TNFAIP3: variants seen among roughly 807,000 people sequenced by gnomAD.
TNFAIP3 encodes the protein TNF alpha induced protein 3.
Under a neutral mutation model 72.4 loss-of-function variants are expected in TNFAIP3, and 9 were observed. The ratio of observed to expected loss-of-function variants is 0.12; its 90% CI spans 0.07 to 0.22. The LOEUF (loss-of-function observed/expected upper bound fraction) is 0.22. TNFAIP3 is among the 10% of genes least tolerant of loss of function. TNFAIP3 has a pLI of 1.00. For missense variants in TNFAIP3, 833 were observed against 1,018.7 expected (o/e 0.82, Z 2.48); for synonymous variants, 339 against 372.6 (o/e 0.91, Z 1.04).
At position 137,869,376 on chromosome 6, in the gene TNFAIP3, T is replaced by TGGAC. The variant is rs71547071; in HGVS notation, c.-15-1817_-15-1814dup. Among the ~76,000 whole-genome samples, 523 of 142,076 alleles carry TGGAC rather than the reference T, an allele frequency of 3.7e-3. 16 individuals carry two copies. The highest frequency in any genetic ancestry group is 0.035 in the Admixed American group (483 of 13,936). 93.2% of individuals were successfully genotyped at this position (142,076 alleles called of 152,430 possible). A position where few individuals can be genotyped will look rare whatever the true frequency, so the allele number is the denominator to read the frequency against. The stretch of plus-strand genomic sequence containing the variant: ...ATGGATGGATGGATGGATGGATGGA[T>TGGAC]GGACGGACGGACGGACGGACGGATA... On this transcript the variant is annotated intron_variant, in intron 1 of 8. Coordinates refer to ENST00000612899, the MANE Select transcript of TNFAIP3 (RefSeq NM_001270508.2).
At chr6:137,877,419 A>G (rs1361280501) in intron 6 of TNFAIP3, among the ~76,000 whole-genome samples, 163 bp downstream of exon 6, 2 of 152,216 alleles carry the variant, frequency 1.3e-5, no homozygotes, top group African/African-American at 4.8e-5. Flanking sequence ...AGAGAGGATT[A>G]TGTAAGGCAG....
Position 137,881,037 on chromosome 6 carries a change from A to T in TNFAIP3, c.2091A>T (p.Arg697Ser). The part of the protein sequence containing the change: ...HEAKRTEEQL[R>S]SSQRRDVPRT... ...ATCTGCCTGTTCTTTCCACTCAGAG[A>T]TCGAGCCAGCGCAGAGATGTGCCTC... Residue 697 changes from arginine to serine, a missense_variant and splice_region_variant, in exon 9 of 9, where the codon AGA (arginine) becomes AGT (serine). Around this residue, in one of 2 missense-constraint regions of TNFAIP3, gnomAD observed 587 missense variants for 657.8 expected, o/e 0.89. Transcript: ENST00000612899. The surrounding 1 kb of genome is among the most constrained non-coding windows in gnomAD (Gnocchi z 5.0). 6.3e-7 allele frequency: 1 copy of T among 1,590,462 alleles called. No individual in the cohort carries two copies.
rs577662634 is a variant in TNFAIP3 at position 137,878,636 on chromosome 6, T to A, written c.1191T>A (p.Ser397=). The A allele has an allele frequency of 6.2e-7, 1 of 1,614,236 alleles. No homozygotes were observed. Among genetic ancestry groups the A allele is most frequent in the South Asian group, 1.1e-5 (1 of 91,088 alleles). The stretch of plus-strand genomic sequence containing the variant: ...CGCCCAACTGCCCCTTCTTCATGTC[T>A]GTGAACACCCAGCCTTTATGCCATG... The part of the protein sequence containing the change: ...CETPNCPFFM[S]VNTQPLCHEC... The change falls in exon 7 of 9, where the codon TCT becomes TCA. Residue 397 remains serine, a synonymous_variant. Coordinates refer to ENST00000612899, the MANE Select transcript of TNFAIP3 (RefSeq NM_001270508.2).
rs972749498 is a variant in TNFAIP3, at chr6:137,867,569, C to G, written c.-16+27C>G. ...TAACCGCCGCGCCTCCCCGTGCCGT[C>G]TGCCTCGGGCTCACCGCAGTCAAGG... On this transcript the variant is annotated intron_variant, in intron 1 of 8. Transcript: ENST00000612899. This position sits in a 1 kb window ranked among gnomAD's most constrained non-coding sequence, Gnocchi z 6.0. 2 of 152,432 alleles carry G rather than the reference C, an allele frequency of 1.3e-5. No individual in the cohort carries two copies. The highest frequency in any genetic ancestry group is 4.8e-5 in the African/African-American group (2 of 41,444). The allele number at this position is 152,432 out of a possible 1,614,324, so 9.4% of individuals were successfully genotyped here. A position where few individuals can be genotyped will look rare whatever the true frequency, so the allele number is the denominator to read the frequency against.
chr6:137,877,866 A>T (rs1410549356), intron 6 of TNFAIP3, among the ~76,000 whole-genome samples: 1 of 152,208 alleles, frequency 6.6e-6, no homozygotes, highest in Non-Finnish European at 1.5e-5. Context: ...CTGTCTCTCA[A>T]TGTGGAGATT....
chr6:137,866,767 C>T (rs562656563), upstream of TNFAIP3: 3 of 152,526 alleles, frequency 2.0e-5, no homozygotes, highest in South Asian at 6.2e-4. Flanking sequence ...ACAGCCCAAA[C>T]TTTTCAGAGC....
chr6:137,876,627 A>G lies in TNFAIP3; in HGVS notation c.806-449A>G, dbSNP rs980797126. On this transcript the variant is annotated intron_variant, in intron 5 of 8. Transcript: ENST00000612899. Reference sequence around the variant, plus strand: ...TGTTAGCTGTTATTTTAATAGCCTCATGTGGAATAAGCACTGTGCTTTGGA... The same window carrying G: ...TGTTAGCTGTTATTTTAATAGCCTCGTGTGGAATAAGCACTGTGCTTTGGA... 7.9e-5 allele frequency among the ~76,000 whole-genome samples: 12 copies of G among 152,332 alleles called. No individual in the cohort carries two copies. In the East Asian group the frequency reaches 2.1e-3, roughly 27 times the overall value.
At position 137,882,438 on chromosome 6, in the gene TNFAIP3, CAG is replaced by C. The variant is rs1296097281; in HGVS notation, c.*1120_*1121del. 3 of 232,966 alleles carry C rather than the reference CAG, an allele frequency of 1.3e-5. No homozygotes were observed. Among genetic ancestry groups the C allele is most frequent in the Admixed American group, 5.6e-5 (1 of 17,772 alleles). 14.4% of individuals were successfully genotyped at this position (232,966 alleles called of 1,614,324 possible). On this transcript the variant is annotated 3_prime_UTR_variant, in exon 9 of 9. Transcript: ENST00000612899. ...CAGGCTGTGGGCAAGTTCCTGACCACAGGGAGTAAATTGGCCTCTTTGATACA... is the reference window on the plus strand; with the variant it reads ...CAGGCTGTGGGCAAGTTCCTGACCACGGAGTAAATTGGCCTCTTTGATACA...
At chr6:137,879,588 C>G (rs953793258) in intron 7 of TNFAIP3, among the ~76,000 whole-genome samples, 3 of 152,204 alleles carry the variant, frequency 2.0e-5, no homozygotes, top group African/African-American at 7.2e-5. Flanking sequence ...ACCAGAGTGC[C>G]CTGTAGACAG....
chr6:137,879,090 TCCAGCCTCAGCA>T lies in TNFAIP3; in HGVS notation c.1654_1665del (p.Ser552_Leu555del). The T allele has an allele frequency of 6.2e-7, 1 of 1,614,150 alleles. No homozygotes were observed. Among genetic ancestry groups the T allele is most frequent in the South Asian group, 1.1e-5 (1 of 91,080 alleles). ...CAAAAGGACTACAGCAGAGGCCTCCTCCAGCCTCAGCACCAGCCTCCCTCCTTCCTGTCACCA... is the reference window on the plus strand; with the variant it reads ...CAAAAGGACTACAGCAGAGGCCTCCTCCAGCCTCCCTCCTTCCTGTCACCA... On this transcript the variant is annotated inframe_deletion, in exon 7 of 9. Transcript: ENST00000612899.
At position 137,881,671 on chromosome 6, in the gene TNFAIP3, G is replaced by A. The variant is rs1024629447; in HGVS notation, c.*352G>A. On this transcript the variant is annotated 3_prime_UTR_variant, in exon 9 of 9. Coordinates refer to ENST00000612899, the MANE Select transcript of TNFAIP3 (RefSeq NM_001270508.2). The surrounding 1 kb of genome is among the most constrained non-coding windows in gnomAD (Gnocchi z 5.0). ...CCCTGCGCATCAGGACTGCTTCATC[G>A]TCTTGGCTGAGAAAGGGAAAAGACA... 9 of 274,592 alleles carry A rather than the reference G, an allele frequency of 3.3e-5. No homozygotes were observed. Among genetic ancestry groups the A allele is most frequent in the African/African-American group, 1.3e-4 (6 of 46,828 alleles). The allele number at this position is 274,592 out of a possible 1,614,324, so 17.0% of individuals were successfully genotyped here.
chr6:137,867,209 TC>T, upstream of TNFAIP3: 1 of 151,920 alleles, frequency 6.6e-6, no homozygotes. The surrounding 1 kb of genome is among the most constrained non-coding windows in gnomAD (Gnocchi z 6.0). Context: ...CCCGTGGAAA[TC>T]CCCGGGCCTA....
At position 137,878,417 on chromosome 6, in the gene TNFAIP3, C is replaced by G; in HGVS notation, c.987-15C>G. On this transcript the variant is annotated splice_polypyrimidine_tract_variant and intron_variant, in intron 6 of 8. Transcript: ENST00000612899. ...TTGTGTATTCTCATACATATTTTTT[C>G]CTTTTGGTCTTCAGGTTGGATGAAG... The G allele has an allele frequency of 6.3e-7, 1 of 1,583,000 alleles. No individual in the cohort carries two copies. Among genetic ancestry groups the G allele is most frequent in the Non-Finnish European group, 8.6e-7 (1 of 1,162,852 alleles).
chr6:137,874,693 A>C, intron 2 of TNFAIP3, 152 bp from the exon 3 acceptor site: 1 of 637,208 alleles, frequency 1.6e-6, no homozygotes, highest in Non-Finnish European at 2.5e-6. Context: ...ATCTTGTGAA[A>C]TATCAGTTTG....
intron 6 of TNFAIP3, among the ~76,000 whole-genome samples, chr6:137,877,631 C>T (rs549991127): frequency 8.2e-4 from 125 of 152,312 alleles, no homozygotes; most frequent in African/African-American, 2.9e-3. Context: ...AAACAAAAGC[C>T]TTTCTCTCTT....
At chr6:137,880,972 C>G in intron 8 of TNFAIP3, 63 bp from the exon 9 acceptor site, 5 of 1,518,654 alleles carry the variant, frequency 3.3e-6, no homozygotes, top group Non-Finnish European at 4.4e-6. Context: ...ATTGTGCTCT[C>G]CCTAAGAAAT....
intron 8 of TNFAIP3, 69 bp from the exon 9 acceptor site, chr6:137,880,966 T>G (rs1031029808): frequency 6.7e-7 from 1 of 1,501,328 alleles, no homozygotes; most frequent in Non-Finnish European, 9.0e-7. Context: ...GATTTCATTG[T>G]GCTCTCCCTA....
chr6:137,875,555 T>C (rs1776218488), intron 3 of TNFAIP3, 133 bp from the exon 4 acceptor site: 1 of 1,166,266 alleles, frequency 8.6e-7, no homozygotes, highest in Admixed American at 2.8e-5. Context: ...ATCATTTGAA[T>C]GATGGTTTCA....
rs772293188 is a variant in TNFAIP3, at chr6:137,881,047, C to T, written c.2101C>T (p.Arg701Cys). Residue 701 changes from arginine (R) to cysteine (C), a missense_variant, in exon 9 of 9, where the codon CGC becomes TGC. Arg to Cys is a radical substitution (Grantham distance 180). Around this residue, in one of 2 missense-constraint regions of TNFAIP3, gnomAD observed 587 missense variants for 657.8 expected, o/e 0.89. Transcript: ENST00000612899. This position sits in a 1 kb window ranked among gnomAD's most constrained non-coding sequence, Gnocchi z 5.0. The part of the protein sequence containing the change: ...RTEEQLRSSQ[R>C]RDVPRTTQST... ...TCTTTCCACTCAGAGATCGAGCCAG[C>T]GCAGAGATGTGCCTCGAACCACACA... 2.1e-5 allele frequency: 34 copies of T among 1,607,048 alleles called. No homozygotes were observed. Among genetic ancestry groups the T allele is most frequent in the Non-Finnish European group, 2.5e-5 (29 of 1,175,922 alleles).
Sources: gnomAD v4.1 joint callset for allele counts (sites outside exome capture counted in the v4.1 genomes callset) on GRCh38, gnomAD v4.1.1 for gene constraint, gnomAD v4.1.1 regional missense constraint, Gnocchi (gnomAD v3.1) non-coding constraint, MANE v1.5 for transcripts, NCBI Gene and HGNC (gene_info 2026-07-23, HGNC 2026-07-21) for gene names.